The following IMPDH1 variants were observed in gnomAD, a reference collection of about 807,000 sequenced individuals.
IMPDH1 encodes the protein inosine monophosphate dehydrogenase 1.
A neutral mutation model predicts 73.5 loss-of-function variants in IMPDH1; 41 were observed. That is an observed-to-expected ratio of 0.56 (90% CI 0.43 to 0.72). IMPDH1 has a LOEUF of 0.72. Among genes scored for constraint, IMPDH1 ranks in the 30% least tolerant of loss-of-function variants. The pLI is 0.00. For synonymous variants in IMPDH1, 318 were observed against 334.3 expected (o/e 0.95, Z 0.53); for missense variants, 645 against 824.8 (o/e 0.78, Z 2.67).
At chr7:128,397,151 GTTT>G (rs200212855) in intron 10 of IMPDH1, 129 bp from the exon 11 acceptor site, 1,323 of 550,010 alleles carry the variant, frequency 2.4e-3, no homozygotes, top group East Asian at 4.8e-3. Flanking sequence ...CCTTCTGGTT[GTTT>G]TTTTTTTTTT....
At chr7:128,409,005 T>C (rs1192427803) in intron 3 of IMPDH1, among the ~76,000 whole-genome samples, 1 of 152,238 alleles carries the variant, frequency 6.6e-6, no homozygotes, top group African/African-American at 2.4e-5. Flanking sequence ...CTCCCCAAGC[T>C]GCTGAACACC....
chr7:128,392,298 C>T lies in IMPDH1; in HGVS notation c.*709G>A, dbSNP rs537869845. The T allele has an allele frequency of 2.0e-5, 3 of 152,848 alleles. No individual in the cohort carries two copies. The highest frequency in any genetic ancestry group is 4.4e-5 in the Non-Finnish European group (3 of 68,230). The allele number at this position is 152,848 out of a possible 1,614,324, so 9.5% of individuals were successfully genotyped here. A position where few individuals can be genotyped will look rare whatever the true frequency, so the allele number is the denominator to read the frequency against. ...AGGATAGTGGAGGCGTTGAGACCTG[C>T]TTGATTTATTCCAAGTATTTAATAC... is the stretch of plus-strand genomic sequence containing the variant. On this transcript the variant is annotated 3_prime_UTR_variant, in exon 17 of 17. Coordinates refer to ENST00000338791, the MANE Select transcript of IMPDH1 (RefSeq NM_000883.4).
intron 16 of IMPDH1, 105 bp from the exon 17 acceptor site, chr7:128,393,133 TG>T (rs2116575921): frequency 1.6e-6 from 2 of 1,229,634 alleles, no homozygotes; most frequent in Admixed American, 1.7e-5. Context: ...AACAGAGAGC[TG>T]AGAAGCCCTG....
chr7:128,395,642 T>G (rs1421247765), intron 12 of IMPDH1, among the ~76,000 whole-genome samples: 1 of 152,254 alleles, frequency 6.6e-6, no homozygotes, highest in Non-Finnish European at 1.5e-5. Flanking sequence ...TATGGTCCCC[T>G]TTGGGATACT....
At chr7:128,408,408 A>C (rs1223479327) in intron 3 of IMPDH1, among the ~76,000 whole-genome samples, 1 of 152,144 alleles carries the variant, frequency 6.6e-6, no homozygotes, top group Non-Finnish European at 1.5e-5. Flanking sequence ...GAGAGCAATA[A>C]CACTGGATTC....
chr7:128,405,068 C>A lies in IMPDH1; in HGVS notation c.353+699G>T, dbSNP rs1049924464. 2.6e-5 allele frequency among the ~76,000 whole-genome samples: 4 copies of A among 152,220 alleles called. No individual in the cohort carries two copies. The East Asian group carries it at 5.8e-4, about 22-fold the overall frequency. The stretch of plus-strand genomic sequence containing the variant: ...TTCTGATGCTCCTTCCTGGCAGGGG[C>A]ACAGTCCTGCAGCCAGGAGGCAGAG... On this transcript the variant is annotated intron_variant, in intron 4 of 16. Transcript: ENST00000338791.
At chr7:128,405,535 C>T (rs939014641) in intron 4 of IMPDH1, among the ~76,000 whole-genome samples, 14 of 152,202 alleles carry the variant, frequency 9.2e-5, no homozygotes, top group Non-Finnish European at 2.1e-4. Flanking sequence ...GGGGACAGGC[C>T]GAACCCGGAT....
rs1324316569 is a variant in IMPDH1, at chr7:128,401,039, C to T, written c.480G>A (p.Glu160=). Residue 160 remains glutamate, a synonymous_variant, in exon 6 of 17, where the codon GAG becomes GAA. Transcript: ENST00000338791. ...CAGCCATGGCAATGGCCATGTCAGCCTCTGTCACAGTGTCCATGGGGGAGG... is the reference window on the plus strand; with the variant it reads ...CAGCCATGGCAATGGCCATGTCAGCTTCTGTCACAGTGTCCATGGGGGAGG... ...LISSPMDTVT[E]ADMAIAMALM... is the part of the protein sequence containing the mutation. The T allele has an allele frequency of 6.2e-7, 1 of 1,614,008 alleles. No homozygotes were observed. The highest frequency in any genetic ancestry group is 1.3e-5 in the African/African-American group (1 of 74,932).
chr7:128,393,552 G>A (rs1356793190), intron 16 of IMPDH1, among the ~76,000 whole-genome samples: 2 of 152,118 alleles, frequency 1.3e-5, no homozygotes, highest in Non-Finnish European at 2.9e-5. Flanking sequence ...CCTCCATCAT[G>A]GTGTTGGAGT....
chr7:128,409,597 G>T, intron 1 of IMPDH1, 113 bp from the exon 2 acceptor site: 1 of 1,527,582 alleles, frequency 6.5e-7, no homozygotes, highest in South Asian at 1.1e-5. Context: ...CCAAAGCCGG[G>T]AGCGTGGCGT....
chr7:128,400,729 C>A, intron 7 of IMPDH1, 88 bp downstream of exon 7: 1 of 1,247,052 alleles, frequency 8.0e-7, no homozygotes, highest in South Asian at 1.2e-5. Flanking sequence ...GGGAGTGTAG[C>A]AGTGCAGGGC....
At chr7:128,407,169 G>A (rs1798831080) in intron 3 of IMPDH1, among the ~76,000 whole-genome samples, 1 of 152,202 alleles carries the variant, frequency 6.6e-6, no homozygotes, top group African/African-American at 2.4e-5. Flanking sequence ...ATAAGGTGGT[G>A]TGGGACACAG....
chr7:128,400,547 C>T lies in IMPDH1; in HGVS notation c.580-8G>A, dbSNP rs747980829. 1.9e-6 allele frequency: 3 copies of T among 1,610,736 alleles called. No homozygotes were observed. Among genetic ancestry groups the T allele is most frequent in the Non-Finnish European group, 2.5e-6 (3 of 1,178,832 alleles). ...GAAGCCCTGTTCAAACTTCTGCGGG[C>T]AGAGATGGGGGAGGAAAAGGCTGGA... is the stretch of plus-strand genomic sequence containing the variant. On this transcript the variant is annotated splice_polypyrimidine_tract_variant and splice_region_variant and intron_variant, in intron 7 of 16. Coordinates refer to ENST00000338791, the MANE Select transcript of IMPDH1 (RefSeq NM_000883.4).
chr7:128,409,372 G>A lies in IMPDH1; in HGVS notation c.191-20C>T. 2 of 1,614,204 alleles carry A rather than the reference G, an allele frequency of 1.2e-6. No homozygotes were observed. The highest frequency in any genetic ancestry group is 1.7e-6 in the Non-Finnish European group (2 of 1,180,020). On this transcript the variant is annotated intron_variant, in intron 2 of 16. Transcript: ENST00000338791. ...ATAGTTCTAGGAGGAAACAGCTAAG[G>A]AGGGGTAAGCCAAGTCAGTCGGACA...
intron 16 of IMPDH1, chr7:128,393,869 G>T (rs920136621): frequency 2.2e-5 from 7 of 317,172 alleles, no homozygotes; most frequent in Non-Finnish European, 4.3e-5. Context: ...GCCCACGGTT[G>T]CCCCAGCGCT....
chr7:128,394,365 G>A lies in IMPDH1; in HGVS notation c.1695-4C>T, dbSNP rs1292181373. ...CTCTCCTGAGTACATCATGGACCTA[G>A]GAGGAAGGTAGGTGGAGCAGATCAG... On this transcript the variant is annotated splice_region_variant and splice_polypyrimidine_tract_variant and intron_variant, in intron 15 of 16. Coordinates refer to ENST00000338791, the MANE Select transcript of IMPDH1 (RefSeq NM_000883.4). This position sits in a 1 kb window ranked among gnomAD's most constrained non-coding sequence, Gnocchi z 5.5. The A allele has an allele frequency of 6.2e-7, 1 of 1,613,926 alleles. No homozygotes were observed. Among genetic ancestry groups the A allele is most frequent in the Non-Finnish European group, 8.5e-7 (1 of 1,179,846 alleles).
intron 7 of IMPDH1, 39 bp downstream of exon 7, chr7:128,400,778 G>A (rs1287296729): frequency 6.4e-7 from 1 of 1,573,150 alleles, no homozygotes; most frequent in Non-Finnish European, 8.7e-7. Context: ...GGTGGGGACT[G>A]CCAGGTGGCA....
chr7:128,403,972 G>A (rs953570847), intron 4 of IMPDH1, among the ~76,000 whole-genome samples: 3 of 152,238 alleles, frequency 2.0e-5, no homozygotes, highest in Non-Finnish European at 4.4e-5. Context: ...CAAAGACAGC[G>A]AAAGGTCTAC....
rs780659161 is a variant in IMPDH1 at position 128,400,553 on chromosome 7, TG to T, written c.580-15del. 6.2e-7 allele frequency: 1 copy of T among 1,608,842 alleles called. No individual in the cohort carries two copies. The highest frequency in any genetic ancestry group is 1.7e-5 in the Admixed American group (1 of 59,446). ...CTGTTCAAACTTCTGCGGGCAGAGA[TG>T]GGGGAGGAAAAGGCTGGAAGAAAGC... On this transcript the variant is annotated splice_polypyrimidine_tract_variant and intron_variant, in intron 7 of 16. Coordinates refer to ENST00000338791, the MANE Select transcript of IMPDH1 (RefSeq NM_000883.4).
Sources: allele counts gnomAD v4.1 joint callset (sites outside exome capture counted in the v4.1 genomes callset), GRCh38; gene constraint gnomAD v4.1.1; non-coding constraint Gnocchi (gnomAD v3.1); transcripts MANE v1.5; gene names NCBI Gene and HGNC (gene_info 2026-07-23, HGNC 2026-07-21).